G2E3: variants seen among roughly 807,000 people sequenced by gnomAD.
The protein encoded by G2E3 is G2/M phase-specific E3 ubiquitin-protein ligase.
In G2E3, 35 loss-of-function variants were observed where a neutral mutation model predicts 92.8. The observed-to-expected ratio is 0.38, with a 90% CI of 0.29 to 0.50. G2E3 has a LOEUF of 0.50. Ranked by LOEUF, G2E3 falls within the 20% of genes least tolerant of loss-of-function variation. The pLI, the probability that G2E3 is intolerant of heterozygous loss-of-function variation, is 0.94. For missense variants in G2E3, 554 were observed against 823.8 expected, an observed-to-expected ratio of 0.67 and a Z score of 4.01; for synonymous variants, 242 against 272.4, an observed-to-expected ratio of 0.89 and a Z score of 1.10.
chr14:30,610,971 C>A (rs1313617175), intron 12 of G2E3, among the ~76,000 whole-genome samples: 2 of 152,226 alleles, frequency 1.3e-5, no homozygotes, highest in Non-Finnish European at 2.9e-5. Flanking sequence ...AAAATGCTAT[C>A]TGGCCCTTTA....
chr14:30,561,848 C>CT (rs61225908), intron 1 of G2E3, among the ~76,000 whole-genome samples: 4,967 of 135,330 alleles, frequency 0.037, 256 homozygotes, highest in African/African-American at 0.12. Context: ...AAAGTTGTTG[C>CT]TTTTTTTTTT....
intron 5 of G2E3, 99 bp downstream of exon 5, chr14:30,592,546 A>C: frequency 1.1e-6 from 1 of 920,696 alleles, no homozygotes; most frequent in Admixed American, 2.9e-5. Context: ...TTCTGTTTAG[A>C]GCATCAGAGT....
At chr14:30,597,930 A>G (rs1310625029) in intron 7 of G2E3, among the ~76,000 whole-genome samples, 1 of 149,684 alleles carries the variant, frequency 6.7e-6, no homozygotes, top group Non-Finnish European at 1.5e-5. Context: ...AAATATTTGG[A>G]AAAATGTGTT....
intron 5 of G2E3, 114 bp downstream of exon 5, chr14:30,592,561 A>C (rs1315372031): frequency 4.6e-5 from 34 of 746,684 alleles, no homozygotes; most frequent in Non-Finnish European, 7.0e-5. Flanking sequence ...CAGAGTTTAG[A>C]TATAACATTA....
In G2E3 at chr14:30,616,835, GT is replaced by G. The variant is rs767560416; in HGVS notation, c.*303del. On this transcript the variant is annotated 3_prime_UTR_variant, in exon 15 of 15. Coordinates refer to ENST00000206595, the MANE Select transcript of G2E3 (RefSeq NM_017769.5). ...GATTTTATTTAGGTATGGTAGCATGGTTAATAAAAGTAAAAACTGTTTTACT... is the reference window on the plus strand; with the variant it reads ...GATTTTATTTAGGTATGGTAGCATGGTAATAAAAGTAAAAACTGTTTTACT... 30 of 180,220 alleles carry G rather than the reference GT, an allele frequency of 1.7e-4. No individual in the cohort carries two copies. Among genetic ancestry groups the G allele is most frequent in the Non-Finnish European group, 3.2e-4 (28 of 87,186 alleles). The allele number at this position is 180,220 out of a possible 1,614,324, so 11.2% of individuals were successfully genotyped here.
intron 12 of G2E3, among the ~76,000 whole-genome samples, chr14:30,608,975 C>T (rs1303953862): frequency 6.6e-6 from 1 of 152,042 alleles, no homozygotes; most frequent in African/African-American, 2.4e-5. Flanking sequence ...GAGGGAGACA[C>T]TGTCTCAAAA....
chr14:30,612,388 T>G lies in G2E3; in HGVS notation c.1673+9T>G, dbSNP rs1357960042. The G allele has an allele frequency of 2.6e-6, 4 of 1,519,358 alleles. No individual in the cohort carries two copies. The highest frequency in any genetic ancestry group is 3.6e-6 in the Non-Finnish European group (4 of 1,121,200). 94.1% of individuals were successfully genotyped at this position (1,519,358 alleles called of 1,614,324 possible). A position where few individuals can be genotyped will look rare whatever the true frequency, so the allele number is the denominator to read the frequency against. ...CACACACCCTTTGAAAGGTAAGTTG[T>G]TTCTATTAATATATGGCTCTTTCAA... is the stretch of plus-strand genomic sequence containing the variant. On this transcript the variant is annotated intron_variant, in intron 13 of 14. Transcript: ENST00000206595.
At chr14:30,593,401 A>T in intron 5 of G2E3, 73 bp from the exon 6 acceptor site, 1 of 683,520 alleles carries the variant, frequency 1.5e-6, no homozygotes, top group Non-Finnish European at 2.5e-6. Flanking sequence ...CATTTTATAT[A>T]TGTGAATTAC....
At chr14:30,589,228 A>T (rs532515876) in intron 3 of G2E3, among the ~76,000 whole-genome samples, 155 bp from the exon 4 acceptor site, 24 of 152,232 alleles carry the variant, frequency 1.6e-4, no homozygotes, top group Admixed American at 9.8e-4. Context: ...GTAGCCTCTT[A>T]CTTTGACCAT....
intron 1 of G2E3, among the ~76,000 whole-genome samples, chr14:30,561,351 T>G (rs1416488090): frequency 1.3e-5 from 2 of 152,232 alleles, no homozygotes; most frequent in African/African-American, 4.8e-5. Context: ...TAATATTTCT[T>G]GCCTCTCTTC....
At chr14:30,592,966 T>C (rs1288103177) in intron 5 of G2E3, among the ~76,000 whole-genome samples, 4 of 152,196 alleles carry the variant, frequency 2.6e-5, no homozygotes, top group Non-Finnish European at 5.9e-5. Flanking sequence ...TCCATTTCTT[T>C]TAGTAGTTGT....
In G2E3 at chr14:30,605,624, A is replaced by C. The variant is rs1881796839; in HGVS notation, c.1130A>C (p.Asp377Ala). The change falls in exon 11 of 15, where the codon GAT (aspartate) becomes GCT (alanine). Residue 377 changes from aspartate to alanine, a missense_variant. Coordinates refer to ENST00000206595, the MANE Select transcript of G2E3 (RefSeq NM_017769.5). ...GCCAATATCTGGAATAGTGCCTTAG[A>C]TGCATTCAGAAATCGAAACTTTAAT... is the stretch of plus-strand genomic sequence containing the variant. ...NKANIWNSAL[D>A]AFRNRNFNPS... 1 of 1,596,878 alleles carries C rather than the reference A, an allele frequency of 6.3e-7. No individual in the cohort carries two copies. Among genetic ancestry groups the C allele is most frequent in the South Asian group, 1.1e-5 (1 of 90,286 alleles).
At chr14:30,610,669 G>A (rs1882046456) in intron 12 of G2E3, among the ~76,000 whole-genome samples, 2 of 152,194 alleles carry the variant, frequency 1.3e-5, no homozygotes, top group Non-Finnish European at 2.9e-5. Flanking sequence ...AGATGGATAA[G>A]GGTTGGAGTA....
chr14:30,566,555 T>G (rs151068192), intron 1 of G2E3, among the ~76,000 whole-genome samples: 5 of 152,360 alleles, frequency 3.3e-5, no homozygotes, highest in Admixed American at 2.6e-4. Flanking sequence ...TATATAGAAA[T>G]ACAACTGATA....
Position 30,612,313 on chromosome 14 carries a change from A to AT in G2E3, c.1607_1608insT (p.Lys536AsnfsTer22). On this transcript the variant is annotated frameshift_variant, in exon 13 of 15. Coordinates refer to ENST00000206595, the MANE Select transcript of G2E3 (RefSeq NM_017769.5). LOFTEE classifies it high-confidence loss of function. ...AGACTTATAACGACATTAAGTGATA[A>AT]ATATATGTTAGTAAAAGACATACTT... is the stretch of plus-strand genomic sequence containing the variant. The AT allele has an allele frequency of 3.1e-6, 5 of 1,606,006 alleles. No homozygotes were observed. Among genetic ancestry groups the AT allele is most frequent in the Non-Finnish European group, 4.3e-6 (5 of 1,173,328 alleles).
rs776701617 is a variant in G2E3 at position 30,592,409 on chromosome 14, T to A, written c.324T>A (p.Leu108=). The change falls in exon 5 of 15, where the codon CTT becomes CTA. Residue 108 remains leucine (L), a synonymous_variant. Transcript: ENST00000206595. ...CKRSYHFPCG[L]QRECIFQFTG... The stretch of plus-strand genomic sequence containing the variant: ...GAAGTTATCATTTCCCATGTGGACT[T>A]CAGAGAGAATGTATTTTCCAGTTTA... The A allele has an allele frequency of 6.3e-7, 1 of 1,595,908 alleles. No individual in the cohort carries two copies. The highest frequency in any genetic ancestry group is 1.4e-5 in the African/African-American group (1 of 73,816).
rs141455005 is a variant in G2E3, at chr14:30,608,563, G to A, written c.1500+494G>A. On this transcript the variant is annotated intron_variant, in intron 12 of 14. Transcript: ENST00000206595. ...GAATTTCTTCCAAAGGGAAACAAGT[G>A]GTAGGGATCGGGGAGGACTTAATGC... is the stretch of plus-strand genomic sequence containing the variant. 4.2e-4 allele frequency among the ~76,000 whole-genome samples: 64 copies of A among 152,338 alleles called. No individual in the cohort carries two copies. The East Asian group carries it at 0.011, about 26-fold the overall frequency.
intron 2 of G2E3, among the ~76,000 whole-genome samples, chr14:30,583,210 T>A (rs891450456): frequency 6.6e-6 from 1 of 152,214 alleles, no homozygotes; most frequent in Admixed American, 6.5e-5. Flanking sequence ...CTTGTTTCAT[T>A]AGCATCTTAA....
rs1176329035 is a variant in G2E3, at chr14:30,617,598, T to C, written c.*1064T>C. 2 of 152,116 alleles carry C rather than the reference T, an allele frequency of 1.3e-5. No individual in the cohort carries two copies. Among genetic ancestry groups the C allele is most frequent in the Non-Finnish European group, 2.9e-5 (2 of 67,990 alleles). The allele number at this position is 152,116 out of a possible 1,614,324, so 9.4% of individuals were successfully genotyped here. A position where few individuals can be genotyped will look rare whatever the true frequency, so the allele number is the denominator to read the frequency against. On this transcript the variant is annotated 3_prime_UTR_variant, in exon 15 of 15. Coordinates refer to ENST00000206595, the MANE Select transcript of G2E3 (RefSeq NM_017769.5). ...TTATCTTCATTGCTCTTGAATGATA[T>C]CTGTTATATAAGCAATGTATAAATA... is the stretch of plus-strand genomic sequence containing the variant.
Sources: gnomAD v4.1 joint callset for allele counts (sites outside exome capture counted in the v4.1 genomes callset) on GRCh38, gnomAD v4.1.1 for gene constraint, MANE v1.5 for transcripts, NCBI Gene and HGNC (gene_info 2026-07-23, HGNC 2026-07-21) for gene names.